PRSS23: variants seen among roughly 807,000 people sequenced by gnomAD.
PRSS23 encodes serine protease 23, also known as protease, serine 23.
PRSS23 carries 25 observed loss-of-function variants against 34.7 expected under a neutral mutation model. The observed-to-expected ratio is 0.72, with a 90% confidence interval of 0.53 to 1.01. The LOEUF (loss-of-function observed/expected upper bound fraction) is 1.01. Ranked by LOEUF, PRSS23 falls within the 50% of genes least tolerant of loss-of-function variation. The pLI, the probability that PRSS23 is intolerant of heterozygous loss-of-function variation, is 0.00. For missense variants in PRSS23, 445 were observed against 475.6 expected (o/e 0.94, Z 0.60); for synonymous variants, 176 against 186.6 (o/e 0.94, Z 0.46).
downstream of PRSS23, among the ~76,000 whole-genome samples, chr11:86,813,978 G>GT (rs1227817783): frequency 1.3e-5 from 2 of 152,222 alleles, no homozygotes; most frequent in Non-Finnish European, 2.9e-5. Context: ...ACATGAATAG[G>GT]TGTGGTAAAG....
chr11:86,919,747 T>C (rs1225803918), intron 2 of PRSS23, among the ~76,000 whole-genome samples: 1 of 152,226 alleles, frequency 6.6e-6, no homozygotes, highest in Non-Finnish European at 1.5e-5. Context: ...CAAATCAGTG[T>C]TTGTTTAACT....
chr11:86,830,037 T>C (rs557481438), intron 2 of PRSS23, among the ~76,000 whole-genome samples: 5 of 152,316 alleles, frequency 3.3e-5, no homozygotes, highest in Non-Finnish European at 5.9e-5. Context: ...GACAGGGACA[T>C]TTAAGTCTGC....
chr11:86,937,865 T>C (rs933256420), intron 2 of PRSS23: 1 of 152,218 alleles, frequency 6.6e-6, no homozygotes, highest in African/African-American at 2.4e-5. Context: ...AGTAACCCTC[T>C]TTTGGGGTCT....
At chr11:86,846,658 T>G (rs1344044118) in intron 2 of PRSS23, among the ~76,000 whole-genome samples, 1 of 152,230 alleles carries the variant, frequency 6.6e-6, no homozygotes, top group East Asian at 1.9e-4. Flanking sequence ...CACCTCCTAA[T>G]GAGTCCTAAT....
chr11:86,818,945 T>G (rs1368515062), intron 1 of PRSS23, among the ~76,000 whole-genome samples: 1 of 152,236 alleles, frequency 6.6e-6, no homozygotes, highest in Non-Finnish European at 1.5e-5. Context: ...ACTCCTTACT[T>G]TCTTCCCTCT....
intron 2 of PRSS23, chr11:86,833,475 A>G (rs958720488): frequency 1.3e-5 from 3 of 237,952 alleles, no homozygotes; most frequent in Non-Finnish European, 2.5e-5. Flanking sequence ...TCGGACATGT[A>G]TATATATATA....
At chr11:86,800,436 G>T (rs976453299), upstream of PRSS23, 2 of 983,076 alleles carry the variant, frequency 2.0e-6, no homozygotes, top group East Asian at 1.1e-4. Flanking sequence ...GCAGTGGGGC[G>T]GGCGGCGTCC....
chr11:86,829,011 C>G (rs9736916), intron 2 of PRSS23, among the ~76,000 whole-genome samples: 4,264 of 152,192 alleles, frequency 0.028, 218 homozygotes, highest in African/African-American at 0.097. Flanking sequence ...TTGTGGCGTT[C>G]TCTGTATTTC....
In PRSS23 at chr11:86,800,619, C is replaced by A; in HGVS notation, c.-46C>A. The A allele has an allele frequency of 1.0e-6, 1 of 985,090 alleles. No homozygotes were observed. Among genetic ancestry groups the A allele is most frequent in the Non-Finnish European group, 1.2e-6 (1 of 829,826 alleles). The allele number at this position is 985,090 out of a possible 1,614,324, so 61.0% of individuals were successfully genotyped here. A position where few individuals can be genotyped will look rare whatever the true frequency, so the allele number is the denominator to read the frequency against. On this transcript the variant is annotated 5_prime_UTR_variant, in exon 1 of 2. Coordinates refer to ENST00000280258, the MANE Select transcript of PRSS23 (RefSeq NM_007173.6). ...GCCCACACCTGTCTGAGCGGCGCAGCGAGCCGCGGCCCGGGCGGGCTGCTC... is the reference window on the plus strand; with the variant it reads ...GCCCACACCTGTCTGAGCGGCGCAGAGAGCCGCGGCCCGGGCGGGCTGCTC...
At chr11:86,813,585 C>T (rs1948195112), downstream of PRSS23, among the ~76,000 whole-genome samples, 1 of 152,036 alleles carries the variant, frequency 6.6e-6, no homozygotes, top group African/African-American at 2.4e-5. Context: ...GTCTAGGGCC[C>T]ACAGCAGTTT....
chr11:86,907,708 C>T (rs931325207), intron 2 of PRSS23, among the ~76,000 whole-genome samples: 2 of 152,172 alleles, frequency 1.3e-5, no homozygotes, highest in Admixed American at 6.5e-5. Context: ...GATCCGCCTG[C>T]CTTAACCTCC....
chr11:86,951,407 C>A, exon 3 of PRSS23: 1 of 1,613,830 alleles, frequency 6.2e-7, no homozygotes, highest in Non-Finnish European at 8.5e-7. Context: ...GGCAATCACA[C>A]ACGTTGCAGG....
chr11:86,925,010 G>C (rs1949071238), intron 2 of PRSS23: 1 of 152,332 alleles, frequency 6.6e-6, no homozygotes, highest in Non-Finnish European at 1.5e-5. Context: ...CCCTTCTTTA[G>C]CACAAGCCGC....
At chr11:86,799,641 A>C (rs1262865489), upstream of PRSS23, among the ~76,000 whole-genome samples, 1 of 152,204 alleles carries the variant, frequency 6.6e-6, no homozygotes, top group Non-Finnish European at 1.5e-5. Context: ...CTAGGACCTT[A>C]AATGGCAAGG....
At chr11:86,857,288 A>C (rs112702882) in intron 2 of PRSS23, 359 of 667,722 alleles carry the variant, frequency 5.4e-4, no homozygotes, top group Admixed American at 6.3e-4. Context: ...CCACAGGTGG[A>C]GAAGGCTTTA....
intron 2 of PRSS23, among the ~76,000 whole-genome samples, chr11:86,886,833 G>C (rs1948805607): frequency 6.6e-6 from 1 of 152,156 alleles, no homozygotes; most frequent in Admixed American, 6.5e-5. Flanking sequence ...CAGCTACTGG[G>C]GAGGCTGAGG....
intron 2 of PRSS23, chr11:86,832,509 T>C (rs1948366457): frequency 3.6e-6 from 1 of 276,170 alleles, no homozygotes; most frequent in Non-Finnish European, 7.2e-6. Context: ...ATGGAACAGA[T>C]AATAAAATAA....
intron 2 of PRSS23, among the ~76,000 whole-genome samples, chr11:86,939,974 C>A (rs1383131430): frequency 2.0e-5 from 3 of 152,142 alleles, no homozygotes; most frequent in African/African-American, 7.2e-5. Context: ...GAAACAAAAT[C>A]TACATGGGAG....
At chr11:86,888,518 T>C (rs1037095639) in intron 2 of PRSS23, among the ~76,000 whole-genome samples, 1 of 152,178 alleles carries the variant, frequency 6.6e-6, no homozygotes, top group African/African-American at 2.4e-5. Context: ...TCACATGTCA[T>C]ACAATCCCCG....
Sources: gnomAD v4.1 joint callset for allele counts (sites outside exome capture counted in the v4.1 genomes callset) on GRCh38, gnomAD v4.1.1 for gene constraint, MANE v1.5 for transcripts, NCBI Gene and HGNC (gene_info 2026-07-23, HGNC 2026-07-21) for gene names.